The following NRG3 variants were observed in gnomAD, a reference collection of about 807,000 sequenced individuals.
NRG3 encodes pro-neuregulin-3, membrane-bound isoform.
NRG3 carries 31 observed loss-of-function variants against 66.9 expected under a neutral mutation model. The observed-to-expected ratio is 0.46, with a 90% CI of 0.35 to 0.63. The LOEUF (loss-of-function observed/expected upper bound fraction) is 0.63. Among genes scored for constraint, NRG3 ranks in the 20% least tolerant of loss-of-function variants. NRG3 has a pLI of 0.00. For missense variants in NRG3, 910 were observed against 878.9 expected (o/e 1.04, Z -0.45); for synonymous variants, 393 against 359.4 (o/e 1.09, Z -1.06).
At chr10:82,390,937 G>A (rs1353385336) in intron 2 of NRG3, among the ~76,000 whole-genome samples, 1 of 152,122 alleles carries the variant, frequency 6.6e-6, no homozygotes, top group Non-Finnish European at 1.5e-5. Context: ...AAGTGGGTTG[G>A]GAGTAGTGGT....
At chr10:82,751,082 T>C (rs2058843168) in intron 3 of NRG3, among the ~76,000 whole-genome samples, 1 of 152,138 alleles carries the variant, frequency 6.6e-6, no homozygotes, top group African/African-American at 2.4e-5. Context: ...ATTTGTTTGA[T>C]ATGTGGATAA....
At chr10:82,154,329 G>A (rs59183631) in intron 1 of NRG3, among the ~76,000 whole-genome samples, 3,346 of 151,982 alleles carry the variant, frequency 0.022, 124 homozygotes, top group African/African-American at 0.076. Context: ...TGAAGAGACT[G>A]TGCTTTCCCC....
At chr10:82,379,630 T>G (rs2085479731) in intron 2 of NRG3, among the ~76,000 whole-genome samples, 1 of 152,168 alleles carries the variant, frequency 6.6e-6, no homozygotes, top group African/African-American at 2.4e-5. Context: ...AAATTTTATA[T>G]TTTGACTCAA....
intron 1 of NRG3, among the ~76,000 whole-genome samples, chr10:82,318,875 T>G (rs1285256188): frequency 6.6e-6 from 1 of 152,224 alleles, no homozygotes; most frequent in Non-Finnish European, 1.5e-5. Flanking sequence ...AATAAATATT[T>G]GCCGAATGAG....
chr10:82,310,123 A>G (rs1488897914), intron 1 of NRG3, among the ~76,000 whole-genome samples: 1 of 152,070 alleles, frequency 6.6e-6, no homozygotes, highest in Non-Finnish European at 1.5e-5. Flanking sequence ...CATCCTTCTC[A>G]ATGCTGTCAG....
At chr10:82,726,748 C>T (rs2134588230) in intron 2 of NRG3, among the ~76,000 whole-genome samples, 1 of 152,206 alleles carries the variant, frequency 6.6e-6, no homozygotes, top group East Asian at 1.9e-4. Flanking sequence ...AACTTTGGAA[C>T]TGGGTAACAA....
At chr10:82,502,304 C>A (rs1343477241) in intron 2 of NRG3, among the ~76,000 whole-genome samples, 2 of 152,042 alleles carry the variant, frequency 1.3e-5, no homozygotes, top group Non-Finnish European at 2.9e-5. Context: ...CTGTTCAGGT[C>A]AGCAGTATCC....
chr10:82,523,041 G>T (rs1846350297), intron 2 of NRG3, among the ~76,000 whole-genome samples: 1 of 152,118 alleles, frequency 6.6e-6, no homozygotes, highest in South Asian at 2.1e-4. Flanking sequence ...TTTGTGACTT[G>T]CTTCTTTCTC....
chr10:82,798,507 G>T (rs2135418474), intron 3 of NRG3, among the ~76,000 whole-genome samples: 1 of 152,242 alleles, frequency 6.6e-6, no homozygotes, highest in South Asian at 2.1e-4. Flanking sequence ...ACAGTTCCAA[G>T]GGGAAGAAGG....
chr10:82,550,514 CTT>C (rs112075965), intron 2 of NRG3, among the ~76,000 whole-genome samples: 1,935 of 152,210 alleles, frequency 0.013, 45 homozygotes, highest in African/African-American at 0.042. Context: ...AATGAAAAGA[CTT>C]GGGTTATGAC....
chr10:82,625,178 A>C (rs1287239037), intron 2 of NRG3, among the ~76,000 whole-genome samples: 1 of 152,006 alleles, frequency 6.6e-6, no homozygotes, highest in Non-Finnish European at 1.5e-5. Context: ...GGATAAGGAC[A>C]GCAGCATCTC....
intron 4 of NRG3, among the ~76,000 whole-genome samples, chr10:82,902,451 A>C (rs561271995): frequency 3.3e-5 from 5 of 151,964 alleles, no homozygotes; most frequent in African/African-American, 1.2e-4. Flanking sequence ...CTTTTGTCTC[A>C]GTCAAGGGGT....
Position 82,423,209 on chromosome 10 carries a change from A to G in NRG3, c.953+64341A>G, listed in dbSNP as rs184809513. Among the ~76,000 whole-genome samples, 75 of 152,146 alleles carry G rather than the reference A, an allele frequency of 4.9e-4. 1 individual carries two copies. The East Asian group carries it at 0.012, about 25-fold the overall frequency. ...GTTTCAATGTAGCATTGTATTTAAT[A>G]TAATCATAATTTCAACTGTTTTAGG... On this transcript the variant is annotated intron_variant, in intron 2 of 8. Transcript: ENST00000372141.
rs781424343 is a variant in NRG3 at position 82,328,928 on chromosome 10, AC to A, written c.824-29810del. 5.0e-4 allele frequency among the ~76,000 whole-genome samples: 76 copies of A among 152,142 alleles called. 1 individual carries two copies. Among genetic ancestry groups the A allele is most frequent in the Non-Finnish European group, 8.4e-4 (57 of 68,012 alleles). ...GAAAGCCATAGATTCTGTTGCTGGCACTCATTTCTAGTGCTTTTTTTATTGC... is the reference window on the plus strand; with the variant it reads ...GAAAGCCATAGATTCTGTTGCTGGCATCATTTCTAGTGCTTTTTTTATTGC... On this transcript the variant is annotated intron_variant, in intron 1 of 8. Transcript: ENST00000372141.
At chr10:82,845,152 C>T (rs371232398) in intron 3 of NRG3, among the ~76,000 whole-genome samples, 1 of 152,128 alleles carries the variant, frequency 6.6e-6, no homozygotes, top group East Asian at 1.9e-4. Flanking sequence ...GAGACTGCAT[C>T]TCAAAAACAA....
At chr10:82,221,533 C>T (rs1447387911) in intron 1 of NRG3, among the ~76,000 whole-genome samples, 1 of 151,870 alleles carries the variant, frequency 6.6e-6, no homozygotes, top group East Asian at 1.9e-4. Flanking sequence ...TAGATGCAGG[C>T]AGGTAGAAAT....
intron 1 of NRG3, among the ~76,000 whole-genome samples, chr10:81,999,472 A>G (rs769959113): frequency 1.3e-5 from 2 of 152,204 alleles, no homozygotes; most frequent in Admixed American, 6.5e-5. Context: ...ATGACATTTT[A>G]TTATATTAAT....
intron 1 of NRG3, among the ~76,000 whole-genome samples, chr10:82,079,262 C>T (rs554882367): frequency 7.2e-5 from 11 of 151,764 alleles, no homozygotes; most frequent in Non-Finnish European, 1.5e-4. Context: ...CCAGGCTGGT[C>T]TCGAACTCCA....
intron 1 of NRG3, among the ~76,000 whole-genome samples, chr10:81,955,703 TG>T (rs1470022504): frequency 1.3e-5 from 2 of 152,236 alleles, no homozygotes; most frequent in African/African-American, 4.8e-5. Flanking sequence ...TGAGTGATCC[TG>T]AGTGTAGCCC....
Sources: allele counts gnomAD v4.1 joint callset (sites outside exome capture counted in the v4.1 genomes callset), GRCh38; gene constraint gnomAD v4.1.1; transcripts MANE v1.5; gene names NCBI Gene and HGNC (gene_info 2026-07-23, HGNC 2026-07-21).